Variants in VPS13C observed in about 807,000 individuals in gnomAD.
VPS13C encodes intermembrane lipid transfer protein VPS13C.
In VPS13C, 358 loss-of-function variants were observed where a neutral mutation model predicts 456.8. The ratio of observed to expected loss-of-function variants is 0.78; its 90% CI spans 0.72 to 0.86. VPS13C has a LOEUF of 0.86. Among genes scored for constraint, VPS13C ranks in the 40% least tolerant of loss-of-function variants. The pLI, the probability that VPS13C is intolerant of heterozygous loss-of-function variation, is 0.00. For synonymous variants in VPS13C, 1,578 were observed against 1,486.7 expected, an observed-to-expected ratio of 1.06 and a Z score of -1.41; for missense variants, 4,818 against 4,385.4, an observed-to-expected ratio of 1.10 and a Z score of -2.79.
chr15:62,008,714 C>T lies in VPS13C; in HGVS notation c.1059G>A (p.Arg353=). The change falls in exon 14 of 85, where the codon AGG becomes AGA. Residue 353 remains arginine, a synonymous_variant. Transcript: ENST00000644861. ...GCTTGTATTTCCTATAAGGCGCATT[C>T]CTAACCATATAATCCACTGACTCCA... ...DLLESVDYMV[R]NAPYRKYKPY... 1 of 1,607,878 alleles carries T rather than the reference C, an allele frequency of 6.2e-7. No individual in the cohort carries two copies. The highest frequency in any genetic ancestry group is 1.3e-5 in the African/African-American group (1 of 74,804).
chr15:61,945,374 T>C (rs905325285), intron 45 of VPS13C, among the ~76,000 whole-genome samples: 1 of 152,196 alleles, frequency 6.6e-6, no homozygotes, highest in Non-Finnish European at 1.5e-5. Flanking sequence ...TCCAAATGCC[T>C]GAAAAGTTTC....
intron 53 of VPS13C, among the ~76,000 whole-genome samples, chr15:61,924,541 C>T (rs1416018143): frequency 6.6e-6 from 1 of 152,148 alleles, no homozygotes; most frequent in African/African-American, 2.4e-5. Flanking sequence ...AATTTATACA[C>T]AAAGAATGTA....
chr15:61,876,072 C>A (rs966161837), intron 75 of VPS13C, among the ~76,000 whole-genome samples: 4 of 151,986 alleles, frequency 2.6e-5, no homozygotes, highest in African/African-American at 7.2e-5. Context: ...GCACAGGCTG[C>A]CACGTAGCAG....
At chr15:62,026,063 T>G (rs1226596606) in intron 6 of VPS13C, among the ~76,000 whole-genome samples, 1 of 76,168 alleles carries the variant, frequency 1.3e-5, no homozygotes, top group East Asian at 3.8e-4. Flanking sequence ...GCCTTCAACC[T>G]GTTGAGATAT....
intron 62 of VPS13C, among the ~76,000 whole-genome samples, chr15:61,912,246 G>A (rs979150135): frequency 1.3e-5 from 2 of 152,072 alleles, no homozygotes; most frequent in African/African-American, 2.4e-5. Context: ...GACTTACAAT[G>A]ACAGATTTAA....
At position 61,864,663 on chromosome 15, in the gene VPS13C, A is replaced by T. The variant is rs1894420408; in HGVS notation, c.10864-1135T>A. 4.1e-6 allele frequency: 4 copies of T among 985,408 alleles called. No individual in the cohort carries two copies. The South Asian group carries it at 1.9e-4, about 46-fold the overall frequency. 61.0% of individuals were successfully genotyped at this position (985,408 alleles called of 1,614,324 possible). On this transcript the variant is annotated intron_variant, in intron 81 of 84. Coordinates refer to ENST00000644861, the MANE Select transcript of VPS13C (RefSeq NM_020821.3). The stretch of plus-strand genomic sequence containing the variant: ...TACCTAGTCATTCCTTGACAATTGC[A>T]AAAAGCCATGAATAAGGAAGAGGAA...
intron 43 of VPS13C, 42 bp from the exon 44 acceptor site, chr15:61,946,452 C>A: frequency 7.0e-7 from 1 of 1,431,704 alleles, no homozygotes. Flanking sequence ...ACCCAATCCA[C>A]ATGACTAAGC....
At chr15:61,928,392 T>C (rs144215217) in intron 51 of VPS13C, among the ~76,000 whole-genome samples, 5 of 152,258 alleles carry the variant, frequency 3.3e-5, no homozygotes, top group Non-Finnish European at 7.4e-5. Context: ...CAAAAGTCCA[T>C]AGTCAATGTC....
intron 47 of VPS13C, among the ~76,000 whole-genome samples, chr15:61,937,467 GTTTCT>G (rs150134747): frequency 0.012 from 1,777 of 152,078 alleles, 44 homozygotes; most frequent in African/African-American, 0.041. Flanking sequence ...CTTAACTCAA[GTTTCT>G]TTTCTTTTCT....
At chr15:61,948,094 T>C (rs553227633) in intron 42 of VPS13C, among the ~76,000 whole-genome samples, 2 of 152,292 alleles carry the variant, frequency 1.3e-5, no homozygotes, top group Admixed American at 6.5e-5. Context: ...CAGGTTGTTT[T>C]TTTCTTTAAT....
intron 16 of VPS13C, among the ~76,000 whole-genome samples, chr15:61,996,394 C>T (rs74388215): frequency 0.012 from 1,766 of 152,226 alleles, 44 homozygotes; most frequent in African/African-American, 0.041. Context: ...TCAACATTTT[C>T]CAGAGGATTA....
At chr15:62,001,587 T>C (rs911963980) in intron 15 of VPS13C, among the ~76,000 whole-genome samples, 20 of 152,210 alleles carry the variant, frequency 1.3e-4, no homozygotes, top group African/African-American at 4.8e-4. Flanking sequence ...GTTACATATG[T>C]ATACATGTGC....
intron 21 of VPS13C, 40 bp downstream of exon 21, chr15:61,982,419 A>G (rs200208282): frequency 2.2e-5 from 34 of 1,513,928 alleles, no homozygotes; most frequent in Non-Finnish European, 2.9e-5. Context: ...CAAAATTTTT[A>G]AGCTTAGCTG....
chr15:61,926,808 C>G (rs914908672), intron 52 of VPS13C, among the ~76,000 whole-genome samples: 12 of 152,102 alleles, frequency 7.9e-5, no homozygotes, highest in African/African-American at 2.9e-4. Flanking sequence ...ACAAAAGAAA[C>G]AGTTGAAAAA....
Position 62,012,266 on chromosome 15 carries a change from G to C in VPS13C, c.826-102C>G, listed in dbSNP as rs796120672. ...CACACACACACACACACAAAGCTTG[G>C]TTCTTCATCAATATCTTTGCTTCTC... On this transcript the variant is annotated intron_variant, in intron 11 of 84. Transcript: ENST00000644861. 2.8e-5 allele frequency: 16 copies of C among 575,224 alleles called. No individual in the cohort carries two copies. The African/African-American group carries it at 3.6e-4, about 13-fold the overall frequency. 35.6% of individuals were successfully genotyped at this position (575,224 alleles called of 1,614,324 possible). A position where few individuals can be genotyped will look rare whatever the true frequency, so the allele number is the denominator to read the frequency against.
At chr15:61,876,188 T>A (rs1056134464) in intron 75 of VPS13C, among the ~76,000 whole-genome samples, 11 of 151,870 alleles carry the variant, frequency 7.2e-5, no homozygotes, top group African/African-American at 2.4e-4. Context: ...ATCCCAACAG[T>A]TTAGGAGACT....
chr15:62,042,863 T>C (rs1474884986), intron 2 of VPS13C, among the ~76,000 whole-genome samples: 1 of 151,790 alleles, frequency 6.6e-6, no homozygotes, highest in East Asian at 1.9e-4. Context: ...CATGTATACA[T>C]AGGTAACAAA....
At chr15:61,887,898 G>C (rs1220541270) in intron 67 of VPS13C, among the ~76,000 whole-genome samples, 1 of 152,050 alleles carries the variant, frequency 6.6e-6, no homozygotes, top group African/African-American at 2.4e-5. Context: ...AAGCAGTTGA[G>C]AGAATAAAAA....
intron 32 of VPS13C, 143 bp downstream of exon 32, chr15:61,963,692 A>G (rs771878509): frequency 4.0e-5 from 25 of 620,766 alleles, no homozygotes; most frequent in Non-Finnish European, 7.1e-5. Flanking sequence ...TATCCCAAAT[A>G]GAGGAAGCAT....
Sources: gnomAD v4.1 joint callset for allele counts (sites outside exome capture counted in the v4.1 genomes callset) on GRCh38, gnomAD v4.1.1 for gene constraint, MANE v1.5 for transcripts, NCBI Gene and HGNC (gene_info 2026-07-23, HGNC 2026-07-21) for gene names.